SCD5: variants seen among roughly 807,000 people sequenced by gnomAD.
SCD5 encodes the protein stearoyl-CoA desaturase 5.
Under a neutral mutation model 30.4 loss-of-function variants are expected in SCD5, and 20 were observed. That is an observed-to-expected ratio of 0.66 (90% CI 0.46 to 0.96). The LOEUF is 0.96. SCD5 is among the 40% of genes least tolerant of loss of function. The probability of loss-of-function intolerance (pLI) is 0.00; values close to 1 mark genes in which losing one functional copy is unlikely to be tolerated. For missense variants in SCD5, 381 were observed against 443.3 expected (o/e 0.86, Z 1.26); for synonymous variants, 173 against 176.4 (o/e 0.98, Z 0.16).
At chr4:82,742,717 G>A (rs1049350795) in intron 1 of SCD5, among the ~76,000 whole-genome samples, 2 of 152,150 alleles carry the variant, frequency 1.3e-5, no homozygotes, top group Middle Eastern at 3.2e-3. Context: ...AACCTGAGAG[G>A]TGGAGGTTGC....
intron 2 of SCD5, among the ~76,000 whole-genome samples, chr4:82,704,598 A>G (rs1719929824): frequency 6.6e-6 from 1 of 152,222 alleles, no homozygotes; most frequent in African/African-American, 2.4e-5. Flanking sequence ...CATTGATTTT[A>G]TAACAACCCT....
intron 2 of SCD5, among the ~76,000 whole-genome samples, chr4:82,694,099 G>A (rs769485552): frequency 1.1e-4 from 17 of 152,198 alleles, no homozygotes; most frequent in Non-Finnish European, 2.1e-4. Context: ...AGCCGCAGGC[G>A]CCTCTGCCAC....
chr4:82,664,303 T>C (rs1234657973), intron 3 of SCD5, among the ~76,000 whole-genome samples: 1 of 152,158 alleles, frequency 6.6e-6, no homozygotes, highest in African/African-American at 2.4e-5. Context: ...CCCCAACCTC[T>C]TCCACCCACA....
intron 3 of SCD5, among the ~76,000 whole-genome samples, chr4:82,667,360 T>C (rs1277130633): frequency 6.6e-6 from 1 of 152,106 alleles, no homozygotes; most frequent in Admixed American, 6.5e-5. Context: ...CAAAAAAAAT[T>C]GACATTTTTG....
At chr4:82,795,510 G>T (rs1370594856) in intron 1 of SCD5, among the ~76,000 whole-genome samples, 1 of 152,146 alleles carries the variant, frequency 6.6e-6, no homozygotes, top group Non-Finnish European at 1.5e-5. Context: ...GCTGGTCTCT[G>T]ATTGTCCCTC....
At chr4:82,680,529 TG>T (rs1229160458) in intron 3 of SCD5, among the ~76,000 whole-genome samples, 177 bp downstream of exon 3, 1 of 152,284 alleles carries the variant, frequency 6.6e-6, no homozygotes, top group East Asian at 1.9e-4. Flanking sequence ...AATGTGCCAA[TG>T]GGCAAAATTT....
chr4:82,745,670 C>T (rs1161898455), intron 1 of SCD5, among the ~76,000 whole-genome samples: 1 of 152,134 alleles, frequency 6.6e-6, no homozygotes, highest in African/African-American at 2.4e-5. Context: ...CCACCCCTGC[C>T]CAATGATTTT....
intron 1 of SCD5, among the ~76,000 whole-genome samples, chr4:82,727,433 C>A (rs12498708): frequency 0.1 from 15,468 of 152,186 alleles, 940 homozygotes; most frequent in African/African-American, 0.16. Context: ...GGTCCCACTC[C>A]TGGAGTTGTA....
chr4:82,717,588 T>A (rs955368959), intron 1 of SCD5, among the ~76,000 whole-genome samples: 2 of 151,896 alleles, frequency 1.3e-5, no homozygotes, highest in Non-Finnish European at 2.9e-5. Context: ...CTCATTAATA[T>A]CTCTGCCTAT....
chr4:82,741,448 C>T (rs1364050467), intron 1 of SCD5, among the ~76,000 whole-genome samples: 2 of 152,120 alleles, frequency 1.3e-5, no homozygotes, highest in African/African-American at 4.8e-5. Context: ...AAAACCAAGG[C>T]GCCCAACCAA....
At chr4:82,700,344 A>G (rs1363996342) in intron 2 of SCD5, among the ~76,000 whole-genome samples, 1 of 152,002 alleles carries the variant, frequency 6.6e-6, no homozygotes, top group Non-Finnish European at 1.5e-5. Flanking sequence ...ATACCAAAAA[A>G]CCCTACACTT....
chr4:82,672,174 TAAG>T lies in SCD5; in HGVS notation c.569+8530_569+8532del, dbSNP rs1728341047. Reference sequence around the variant, plus strand: ...AAAGAAGAGCAAATTAAATCCAAAGTAAGAAGAAGAAAATAAATAATAAAAATT... The same window carrying T: ...AAAGAAGAGCAAATTAAATCCAAAGTAAGAAGAAAATAAATAATAAAAATT... On this transcript the variant is annotated intron_variant, in intron 3 of 4. Transcript: ENST00000319540. Among the ~76,000 whole-genome samples, 9 of 151,800 alleles carry T rather than the reference TAAG, an allele frequency of 5.9e-5. No homozygotes were observed. The South Asian group carries it at 1.7e-3, about 28-fold the overall frequency.
At chr4:82,752,089 C>T (rs2148842599) in intron 1 of SCD5, among the ~76,000 whole-genome samples, 1 of 152,072 alleles carries the variant, frequency 6.6e-6, no homozygotes, top group South Asian at 2.1e-4. Flanking sequence ...AAAAGAAATC[C>T]CCATAAGTCT....
At chr4:82,632,625 A>G (rs1322451199) in intron 4 of SCD5, among the ~76,000 whole-genome samples, 2 of 152,180 alleles carry the variant, frequency 1.3e-5, no homozygotes, top group Non-Finnish European at 2.9e-5. Flanking sequence ...GTCTTCCACA[A>G]TGGTTGAACT....
intron 1 of SCD5, among the ~76,000 whole-genome samples, chr4:82,767,697 T>C (rs536867169): frequency 6.6e-6 from 1 of 152,362 alleles, no homozygotes; most frequent in South Asian, 2.1e-4. Flanking sequence ...TCTGGCTTTT[T>C]CCTTTTTTCT....
At chr4:82,798,276 C>A (rs1280276254) in intron 1 of SCD5, 30 bp downstream of exon 1, 3 of 1,536,330 alleles carry the variant, frequency 2.0e-6, no homozygotes, top group Admixed American at 3.9e-5. Flanking sequence ...CCACGGAGGC[C>A]GGGGCGCAGG....
intron 4 of SCD5, 34 bp downstream of exon 4, chr4:82,636,557 A>T: frequency 1.9e-6 from 3 of 1,549,218 alleles, no homozygotes; most frequent in Non-Finnish European, 2.7e-6. Context: ...CTGGGCCACC[A>T]TTCTCCCCAT....
chr4:82,770,225 C>G (rs1007414491), intron 1 of SCD5, among the ~76,000 whole-genome samples: 2 of 152,178 alleles, frequency 1.3e-5, no homozygotes, highest in Non-Finnish European at 2.9e-5. Context: ...TGATGTTCCC[C>G]TTCCTGTGTC....
intron 1 of SCD5, among the ~76,000 whole-genome samples, chr4:82,783,145 C>T (rs1019965630): frequency 5.9e-5 from 9 of 152,212 alleles, no homozygotes; most frequent in South Asian, 2.1e-4. Context: ...CCGATGCAGA[C>T]GGCCATAGAC....
Sources: allele counts gnomAD v4.1 joint callset (sites outside exome capture counted in the v4.1 genomes callset), GRCh38; gene constraint gnomAD v4.1.1; transcripts MANE v1.5; gene names NCBI Gene and HGNC (gene_info 2026-07-23, HGNC 2026-07-21).